ZNF254: variants seen among roughly 807,000 people sequenced by gnomAD.
ZNF254 encodes the protein zinc finger protein 254.
A neutral mutation model predicts 12.4 loss-of-function variants in ZNF254; 10 were observed. The observed-to-expected ratio is 0.80, with a 90% CI of 0.50 to 1.36. The LOEUF is 1.36. Among genes scored for constraint, ZNF254 ranks in the 40% most tolerant of loss-of-function variants. The pLI is 0.00. For synonymous variants in ZNF254, 305 were observed against 253.4 expected (o/e 1.20, Z -1.93); for missense variants, 996 against 763.9 (o/e 1.30, Z -3.58).
At chr19:24,062,100 AAAG>A (rs1258588298) in intron 2 of ZNF254, among the ~76,000 whole-genome samples, 11 of 133,380 alleles carry the variant, frequency 8.2e-5, no homozygotes, top group Non-Finnish European at 1.1e-4. Flanking sequence ...AAAAAAAAAA[AAAG>A]AAAAAGAAAA....
At chr19:24,118,190 A>G (rs1348536273) in intron 3 of ZNF254, among the ~76,000 whole-genome samples, 4 of 151,526 alleles carry the variant, frequency 2.6e-5, no homozygotes, top group Admixed American at 1.3e-4. Context: ...AGTAACTGGG[A>G]TTACAGGCAC....
chr19:24,038,881 A>C (rs1290520440), intron 1 of ZNF254, among the ~76,000 whole-genome samples: 1 of 152,220 alleles, frequency 6.6e-6, no homozygotes, highest in Non-Finnish European at 1.5e-5. Flanking sequence ...ATTCTTTCAA[A>C]TACCATTTGG....
intron 3 of ZNF254, among the ~76,000 whole-genome samples, chr19:24,117,169 G>A (rs903140831): frequency 6.6e-6 from 1 of 152,176 alleles, no homozygotes. Context: ...TGAGGAGTCT[G>A]TCTGCCTGTT....
At chr19:24,106,891 G>A (rs2145817879) in intron 3 of ZNF254, 1 of 420,978 alleles carries the variant, frequency 2.4e-6, no homozygotes, top group South Asian at 3.7e-5. Flanking sequence ...ACTGTTCATG[G>A]CATACAAAAG....
At chr19:24,087,013 G>GC (rs1165184300), upstream of ZNF254, 2 of 378,916 alleles carry the variant, frequency 5.3e-6, no homozygotes, top group Non-Finnish European at 1.0e-5. Flanking sequence ...GCCCGATAAG[G>GC]CTGCAGCTTA....
rs560151160 is a variant in ZNF254 at position 24,115,345 on chromosome 19, A to G, written c.253+8702A>G. Among the ~76,000 whole-genome samples the G allele has an allele frequency of 5.3e-5, 8 of 152,350 alleles. No homozygotes were observed. In the South Asian group the frequency reaches 1.7e-3, roughly 32 times the overall value. ...ATACACCATGGAATACTATGCAGCC[A>G]TCAATAATGATGAGTTCATGTCCTT... On this transcript the variant is annotated intron_variant, in intron 3 of 3. Coordinates refer to ENST00000357002, the MANE Select transcript of ZNF254 (RefSeq NM_203282.4).
At position 24,087,388 on chromosome 19, in the gene ZNF254, C is replaced by T. The variant is rs761059385; in HGVS notation, c.30+51C>T. The T allele has an allele frequency of 4.3e-6, 7 of 1,611,748 alleles. No homozygotes were observed. The South Asian group carries it at 7.7e-5, about 18-fold the overall frequency. ...AGAGAGGGGAGGGGGCTGGTTGGAA[C>T]TGGTGGGAAGCGGCTGTGGCGGGAC... On this transcript the variant is annotated intron_variant, in intron 1 of 3. Coordinates refer to ENST00000357002, the MANE Select transcript of ZNF254 (RefSeq NM_203282.4).
At chr19:24,080,056 C>T (rs1971795051) in intron 2 of ZNF254, 1 of 152,192 alleles carries the variant, frequency 6.6e-6, no homozygotes, top group African/African-American at 2.4e-5. Flanking sequence ...CAGTCTGCCC[C>T]TGATATCCAT....
intron 2 of ZNF254, among the ~76,000 whole-genome samples, chr19:24,062,126 CTGG>C (rs1405734420): frequency 6.7e-6 from 1 of 149,160 alleles, no homozygotes; most frequent in Non-Finnish European, 1.5e-5. Context: ...GAGTAAAATC[CTGG>C]TGGTCTCTCT....
At chr19:24,035,214 C>A (rs1241549537) in intron 1 of ZNF254, among the ~76,000 whole-genome samples, 5 of 149,384 alleles carry the variant, frequency 3.3e-5, no homozygotes, top group East Asian at 2.1e-4. Flanking sequence ...CCTAGGCAGG[C>A]GGGCACTGGC....
At chr19:24,062,891 C>T (rs989665133) in intron 2 of ZNF254, among the ~76,000 whole-genome samples, 8 of 152,156 alleles carry the variant, frequency 5.3e-5, no homozygotes, top group Non-Finnish European at 1.5e-5. Context: ...AACTCTGCTT[C>T]CTGGGTTCAA....
chr19:24,042,808 C>T (rs933124530), intron 1 of ZNF254, among the ~76,000 whole-genome samples: 5 of 152,166 alleles, frequency 3.3e-5, no homozygotes, highest in Non-Finnish European at 5.9e-5. Context: ...CCCATCTGTG[C>T]ATTGGCCTCT....
intron 1 of ZNF254, among the ~76,000 whole-genome samples, chr19:24,101,215 G>T (rs962833724): frequency 1.9e-4 from 29 of 152,030 alleles, no homozygotes; most frequent in African/African-American, 7.0e-4. Flanking sequence ...TAGATCTTTT[G>T]ATTGTACTCT....
chr19:24,083,263 C>T (rs1222791201), upstream of ZNF254, among the ~76,000 whole-genome samples: 1 of 152,012 alleles, frequency 6.6e-6, no homozygotes, highest in Non-Finnish European at 1.5e-5. Flanking sequence ...TAATGAAGGC[C>T]ATGAAAGATC....
At chr19:24,071,511 G>A (rs1316030754) in intron 2 of ZNF254, among the ~76,000 whole-genome samples, 1 of 152,212 alleles carries the variant, frequency 6.6e-6, no homozygotes, top group Non-Finnish European at 1.5e-5. Context: ...GAAGGGCCTA[G>A]GTTATGCGAC....
chr19:24,125,845 A>G (rs114786196), intron 3 of ZNF254, among the ~76,000 whole-genome samples: 2,074 of 152,336 alleles, frequency 0.014, 43 homozygotes, highest in African/African-American at 0.047. Flanking sequence ...GTGTCAGGAA[A>G]AAACCCTAAA....
rs576338933 is a variant in ZNF254, at chr19:24,075,442, C to T, written c.-94+29163C>T. Among the ~76,000 whole-genome samples the T allele has an allele frequency of 8.8e-4, 134 of 152,174 alleles. 1 individual carries two copies. Among genetic ancestry groups the T allele is most frequent in the African/African-American group, 3.1e-3 (130 of 41,526 alleles). On this transcript the variant is annotated intron_variant, in intron 2 of 4. Coordinates refer to the ZNF254 transcript ENST00000613065. Reference sequence around the variant, plus strand: ...GAAATAAATTTTACAGCTGGGTCTCCGGGGTGACATCACATGTCAGCAGGT... The same window carrying T: ...GAAATAAATTTTACAGCTGGGTCTCTGGGGTGACATCACATGTCAGCAGGT...
intron 3 of ZNF254, among the ~76,000 whole-genome samples, chr19:24,124,006 A>C (rs1974661836): frequency 6.6e-6 from 1 of 151,994 alleles, no homozygotes; most frequent in African/African-American, 2.4e-5. Context: ...AAATAGAAAG[A>C]CTTACTGTTA....
At chr19:24,078,684 T>C (rs910193783) in intron 2 of ZNF254, 2 of 152,112 alleles carry the variant, frequency 1.3e-5, no homozygotes, top group Non-Finnish European at 2.9e-5. Flanking sequence ...ACCTGCTCAG[T>C]AGAGGAAACT....
Sources: allele counts gnomAD v4.1 joint callset (sites outside exome capture counted in the v4.1 genomes callset), GRCh38; gene constraint gnomAD v4.1.1; transcripts MANE v1.5; gene names NCBI Gene and HGNC (gene_info 2026-07-23, HGNC 2026-07-21).